The following ESR1 variants were observed in gnomAD, a reference collection of about 807,000 sequenced individuals.
The protein encoded by ESR1 is estrogen receptor.
A neutral mutation model predicts 52.7 loss-of-function variants in ESR1; 12 were observed. The observed-to-expected ratio is 0.23, with a 90% CI of 0.15 to 0.37. The LOEUF is 0.37. Ranked by LOEUF, ESR1 falls within the 10% of genes least tolerant of loss-of-function variation. The probability of loss-of-function intolerance (pLI) is 1.00; values close to 1 mark genes in which losing one functional copy is unlikely to be tolerated. For missense variants in ESR1, 584 were observed against 779.7 expected, an observed-to-expected ratio of 0.75 and a Z score of 2.99; for synonymous variants, 305 against 316.8, an observed-to-expected ratio of 0.96 and a Z score of 0.39.
At chr6:152,030,156 A>G (rs545868339) in intron 5 of ESR1, among the ~76,000 whole-genome samples, 1 of 152,352 alleles carries the variant, frequency 6.6e-6, no homozygotes, top group African/African-American at 2.4e-5. Context: ...AAACACGGAA[A>G]GGAACAACTA....
intron 6 of ESR1, among the ~76,000 whole-genome samples, chr6:152,085,048 T>C (rs117064302): frequency 0.018 from 2,742 of 152,280 alleles, 34 homozygotes; most frequent in Admixed American, 0.032. Flanking sequence ...GCAGGAAGCA[T>C]TGAAATTCTA....
chr6:151,939,071 G>A (rs6912184), intron 3 of ESR1, among the ~76,000 whole-genome samples: 118,023 of 152,094 alleles, frequency 0.78, 46,222 homozygotes, highest in African/African-American at 0.85. Flanking sequence ...TCCAGGGCAC[G>A]ACATCTCTAT....
rs1186886254 is a variant in ESR1, at chr6:152,053,632, TTCTGTC to T, written c.1236-7345_1236-7340del. The stretch of plus-strand genomic sequence containing the variant: ...TTAATCTCTCTTTCTCTCTCCTTCT[TTCTGTC>T]TCTGTCTCTGTCTGCCTCTCTCTCT... On this transcript the variant is annotated intron_variant, in intron 5 of 7. Transcript: ENST00000206249. The surrounding 1 kb of genome is among the most constrained non-coding windows in gnomAD (Gnocchi z 4.1). Among the ~76,000 whole-genome samples, 7 of 148,280 alleles carry T rather than the reference TTCTGTC, an allele frequency of 4.7e-5. No individual in the cohort carries two copies. The highest frequency in any genetic ancestry group is 4.0e-4 in the East Asian group (2 of 4,968).
upstream of ESR1, chr6:151,807,558 G>A: frequency 2.3e-6 from 1 of 429,266 alleles, no homozygotes; most frequent in South Asian, 2.2e-5. Context: ...ATCGAGTTGT[G>A]CCTGGAGTGA....
intron 3 of ESR1, among the ~76,000 whole-genome samples, chr6:151,939,874 A>T (rs2034839549): frequency 1.3e-5 from 2 of 152,256 alleles, no homozygotes; most frequent in Non-Finnish European, 2.9e-5. Flanking sequence ...CTGAAGCAAA[A>T]AAACAAAATC....
intron 4 of ESR1, among the ~76,000 whole-genome samples, chr6:151,995,866 T>G (rs1267621925): frequency 6.6e-6 from 1 of 152,216 alleles, no homozygotes; most frequent in African/African-American, 2.4e-5. Flanking sequence ...TTACTCTTCA[T>G]GATAACCCTA....
intron 2 of ESR1, among the ~76,000 whole-genome samples, chr6:151,712,625 T>C (rs1003791413): frequency 6.6e-6 from 1 of 152,192 alleles, no homozygotes; most frequent in African/African-American, 2.4e-5. Flanking sequence ...AGTGCACTCA[T>C]GATTTGGCTC....
chr6:151,817,611 T>C (rs1779873727), intron 1 of ESR1, among the ~76,000 whole-genome samples: 1 of 152,194 alleles, frequency 6.6e-6, no homozygotes, highest in Non-Finnish European at 1.5e-5. Flanking sequence ...GGCCGTTGCA[T>C]TTGATATGGA....
chr6:151,674,004 T>G (rs1778167599), intron 1 of ESR1, among the ~76,000 whole-genome samples: 1 of 152,192 alleles, frequency 6.6e-6, no homozygotes, highest in African/African-American at 2.4e-5. Flanking sequence ...TAAAAGAAAT[T>G]GCATCATTTT....
At chr6:152,044,396 G>C (rs906884904) in intron 5 of ESR1, among the ~76,000 whole-genome samples, 7 of 152,272 alleles carry the variant, frequency 4.6e-5, no homozygotes, top group African/African-American at 1.4e-4. Flanking sequence ...ATCTGTATTA[G>C]TCAGGATTCG....
chr6:151,876,301 C>G (rs138537763), intron 2 of ESR1, among the ~76,000 whole-genome samples: 1 of 151,888 alleles, frequency 6.6e-6, no homozygotes, highest in African/African-American at 2.4e-5. Flanking sequence ...TCCATCTTGA[C>G]GAGTGTGAGA....
At chr6:151,871,274 A>G (rs1037095926) in intron 2 of ESR1, among the ~76,000 whole-genome samples, 5 of 152,120 alleles carry the variant, frequency 3.3e-5, no homozygotes, top group Non-Finnish European at 5.9e-5. Context: ...TTGTGATAAG[A>G]TATACATAAT....
At chr6:151,669,358 C>T (rs59715124) in intron 1 of ESR1, among the ~76,000 whole-genome samples, 2,866 of 151,818 alleles carry the variant, frequency 0.019, 92 homozygotes, top group African/African-American at 0.064. Context: ...AGAAAGTATT[C>T]AATAACAAGC....
chr6:151,821,724 G>C (rs9340785), intron 1 of ESR1, among the ~76,000 whole-genome samples: 3,399 of 152,164 alleles, frequency 0.022, 110 homozygotes, highest in African/African-American at 0.076. Flanking sequence ...AATTTGATCT[G>C]TGCTTGATCT....
intron 2 of ESR1, among the ~76,000 whole-genome samples, chr6:151,721,913 C>T (rs917492898): frequency 1.3e-5 from 2 of 152,170 alleles, no homozygotes; most frequent in Non-Finnish European, 2.9e-5. Flanking sequence ...GATGTACATG[C>T]CAAATATGTT....
intron 2 of ESR1, among the ~76,000 whole-genome samples, chr6:151,792,521 C>T (rs575268024): frequency 6.6e-6 from 1 of 152,010 alleles, no homozygotes; most frequent in African/African-American, 2.4e-5. Flanking sequence ...TTCACTACAA[C>T]ATTGAACTCC....
At chr6:151,948,534 C>G (rs2035968041) in intron 4 of ESR1, among the ~76,000 whole-genome samples, 1 of 152,134 alleles carries the variant, frequency 6.6e-6, no homozygotes, top group Admixed American at 6.6e-5. Flanking sequence ...AGCTTGGCTT[C>G]CTGTGAAACA....
At chr6:151,720,971 A>T (rs1475847917) in intron 2 of ESR1, among the ~76,000 whole-genome samples, 1 of 152,224 alleles carries the variant, frequency 6.6e-6, no homozygotes, top group Non-Finnish European at 1.5e-5. Flanking sequence ...TAATATAAAG[A>T]GAATATGTAA....
chr6:152,074,117 G>A (rs190767259), intron 6 of ESR1, among the ~76,000 whole-genome samples: 233 of 152,142 alleles, frequency 1.5e-3, no homozygotes, highest in African/African-American at 2.8e-3. Context: ...ACATCGACAC[G>A]TCATTATCAC....
Sources: allele counts gnomAD v4.1 joint callset (sites outside exome capture counted in the v4.1 genomes callset), GRCh38; gene constraint gnomAD v4.1.1; non-coding constraint Gnocchi (gnomAD v3.1); transcripts MANE v1.5; gene names NCBI Gene and HGNC (gene_info 2026-07-23, HGNC 2026-07-21).